The following NRG1 variants were observed in gnomAD, a reference collection of about 807,000 sequenced individuals.
The protein encoded by NRG1 is neuregulin 1.
NRG1 carries 18 observed loss-of-function variants against 63.8 expected under a neutral mutation model. The ratio of observed to expected loss-of-function variants is 0.28; its 90% confidence interval spans 0.19 to 0.42. The LOEUF is 0.42. NRG1 is among the 10% of genes least tolerant of loss of function. The pLI, the probability that NRG1 is intolerant of heterozygous loss-of-function variation, is 1.00. For missense variants in NRG1, 762 were observed against 814.7 expected (o/e 0.94, Z 0.79); for synonymous variants, 302 against 301.3 (o/e 1.00, Z -0.02).
rs1856655932 is a variant in NRG1, at chr8:32,310,132, G to A, written c.38-285696G>A. On this transcript the variant is annotated intron_variant, in intron 1 of 10. Transcript: ENST00000519301. ...CATGAATGGAAAGAATAGGAGGAGG[G>A]GAAAAAGGACAAGCAGCTTGTTGCT... 3.3e-5 allele frequency among the ~76,000 whole-genome samples: 5 copies of A among 152,274 alleles called. No homozygotes were observed. The South Asian group carries it at 8.3e-4, about 25-fold the overall frequency.
At chr8:31,885,476 TA>T in intron 1 of NRG1, among the ~76,000 whole-genome samples, 1 of 152,244 alleles carries the variant, frequency 6.6e-6, no homozygotes, top group East Asian at 1.9e-4. Context: ...GTTTGTATTA[TA>T]AAGAGTTGAC....
At chr8:32,532,767 T>G (rs1423116714) in intron 1 of NRG1, among the ~76,000 whole-genome samples, 1 of 152,000 alleles carries the variant, frequency 6.6e-6, no homozygotes, top group Non-Finnish European at 1.5e-5. Context: ...TTAAAAGGCC[T>G]CCCAACAAAA....
At chr8:32,420,348 C>T (rs1343600141) in intron 1 of NRG1, among the ~76,000 whole-genome samples, 2 of 152,100 alleles carry the variant, frequency 1.3e-5, no homozygotes, top group East Asian at 1.9e-4. Flanking sequence ...CTTCCTTTCT[C>T]GTATTTCCTC....
chr8:31,967,233 A>G (rs888232572), intron 1 of NRG1, among the ~76,000 whole-genome samples: 2 of 152,052 alleles, frequency 1.3e-5, no homozygotes, highest in Non-Finnish European at 2.9e-5. Flanking sequence ...TGAACTTAGT[A>G]TATCTCTTTC....
At chr8:32,645,240 T>A (rs1423067948) in intron 5 of NRG1, among the ~76,000 whole-genome samples, 1 of 152,242 alleles carries the variant, frequency 6.6e-6, no homozygotes, top group Non-Finnish European at 1.5e-5. Context: ...GTATGTCCTT[T>A]GCTAGAATCT....
intron 5 of NRG1, chr8:32,647,225 G>A (rs978416870): frequency 1.0e-6 from 1 of 985,218 alleles, no homozygotes; most frequent in African/African-American, 1.7e-5. Context: ...TGTCACTACT[G>A]CCTCTCCTGC....
At chr8:32,581,193 T>A (rs1840571761) in intron 1 of NRG1, among the ~76,000 whole-genome samples, 2 of 152,208 alleles carry the variant, frequency 1.3e-5, no homozygotes, top group Admixed American at 6.5e-5. Context: ...TGCACAATGA[T>A]ATTTGTTGAA....
chr8:32,729,851 C>T (rs1322092445), intron 6 of NRG1, among the ~76,000 whole-genome samples: 1 of 152,158 alleles, frequency 6.6e-6, no homozygotes, highest in African/African-American at 2.4e-5. Flanking sequence ...CTGTAGCGTG[C>T]CTGATGGGAC....
chr8:31,996,340 T>C (rs1811963258), intron 1 of NRG1, among the ~76,000 whole-genome samples: 2 of 151,950 alleles, frequency 1.3e-5, no homozygotes, highest in African/African-American at 4.8e-5. Context: ...AAAGTCGCAA[T>C]ACACATGAAT....
rs1305840835 is a variant in NRG1 at position 31,981,780 on chromosome 8, TAATC to T, written c.37+342358_37+342361del. On this transcript the variant is annotated intron_variant, in intron 1 of 10. Coordinates refer to the NRG1 transcript ENST00000519301. ...GCAGCCCTCTGGGGGATGCAGATAA[TAATC>T]AATCAATCTCATAATTAAATGTAAT... Among the ~76,000 whole-genome samples, 28 of 151,930 alleles carry T rather than the reference TAATC, an allele frequency of 1.8e-4. No homozygotes were observed. The East Asian group carries it at 5.5e-3, about 30-fold the overall frequency.
intron 1 of NRG1, among the ~76,000 whole-genome samples, chr8:31,676,134 C>G (rs1393441497): frequency 6.6e-6 from 1 of 151,952 alleles, no homozygotes; most frequent in East Asian, 1.9e-4. Context: ...GAATTCCAGG[C>G]TTTGGATTGT....
rs1329823030 is a variant in NRG1 at position 31,873,803 on chromosome 8, A to G, written c.37+234372A>G. Among the ~76,000 whole-genome samples, 2 of 152,232 alleles carry G rather than the reference A, an allele frequency of 1.3e-5. 1 individual carries two copies. The highest frequency in any genetic ancestry group is 2.9e-5 in the Non-Finnish European group (2 of 68,036). On this transcript the variant is annotated intron_variant, in intron 1 of 10. Coordinates refer to the NRG1 transcript ENST00000519301. ...GTGTGCAGAGGAATTTGTGTGTTTT[A>G]AAATATTCCCAAAGTGGCAGAATAT... is the stretch of plus-strand genomic sequence containing the variant.
chr8:31,910,579 A>G (rs1832858964), intron 1 of NRG1, among the ~76,000 whole-genome samples: 1 of 152,174 alleles, frequency 6.6e-6, no homozygotes, highest in Non-Finnish European at 1.5e-5. Flanking sequence ...GTCACATTTG[A>G]GATGCCCAAG....
At chr8:32,509,417 A>G (rs1828920236) in intron 1 of NRG1, among the ~76,000 whole-genome samples, 1 of 152,188 alleles carries the variant, frequency 6.6e-6, no homozygotes, top group South Asian at 2.1e-4. Flanking sequence ...TTATTCACAT[A>G]TAACTTTGTA....
At chr8:32,604,128 C>T (rs1045797199) in intron 2 of NRG1, among the ~76,000 whole-genome samples, 2 of 152,110 alleles carry the variant, frequency 1.3e-5, no homozygotes, top group African/African-American at 4.8e-5. Context: ...AATTTAGACA[C>T]GTGAGAGCAG....
At chr8:32,349,898 T>C (rs772973385) in intron 1 of NRG1, among the ~76,000 whole-genome samples, 3 of 152,216 alleles carry the variant, frequency 2.0e-5, no homozygotes, top group Non-Finnish European at 4.4e-5. Flanking sequence ...AGCAGGATTG[T>C]GGCTGGCCAG....
At chr8:31,895,316 C>G (rs1831492386) in intron 1 of NRG1, among the ~76,000 whole-genome samples, 1 of 152,250 alleles carries the variant, frequency 6.6e-6, no homozygotes, top group South Asian at 2.1e-4. Flanking sequence ...AGAATGTCTG[C>G]AATTACTCCT....
chr8:31,867,644 G>A (rs1238707640), intron 1 of NRG1, among the ~76,000 whole-genome samples: 1 of 152,094 alleles, frequency 6.6e-6, no homozygotes, highest in East Asian at 1.9e-4. Context: ...GAATGTTTAG[G>A]TATCACCAAA....
At chr8:32,558,227 T>G (rs540258750) in intron 1 of NRG1, among the ~76,000 whole-genome samples, 14 of 152,276 alleles carry the variant, frequency 9.2e-5, no homozygotes, top group Middle Eastern at 3.4e-3. Flanking sequence ...GCCTCTACAT[T>G]GGACTGTGCA....
Sources: allele counts gnomAD v4.1 joint callset (sites outside exome capture counted in the v4.1 genomes callset), GRCh38; gene constraint gnomAD v4.1.1; transcripts MANE v1.5; gene names NCBI Gene and HGNC (gene_info 2026-07-23, HGNC 2026-07-21).